The following ELF2 variants were observed in gnomAD, a reference collection of about 807,000 sequenced individuals.
ELF2 encodes ETS-related transcription factor Elf-2.
In ELF2, 11 loss-of-function variants were observed where a neutral mutation model predicts 54.8. The observed-to-expected ratio is 0.20, with a 90% CI of 0.13 to 0.33. The LOEUF is 0.33. ELF2 is among the 10% of genes least tolerant of loss of function. The pLI is 1.00. For synonymous variants in ELF2, 203 were observed against 245.1 expected (o/e 0.83, Z 1.61); for missense variants, 513 against 703.0 (o/e 0.73, Z 3.06).
chr4:139,134,604 TTTTATTTTATTTTA>T (rs1440969739), intron 3 of ELF2, among the ~76,000 whole-genome samples: 5 of 142,592 alleles, frequency 3.5e-5, no homozygotes, highest in African/African-American at 8.1e-5. Context: ...TTTTATTTTA[TTTTATTTTATTTTA>T]TTTATTTTAT....
At chr4:139,142,688 A>C (rs1321594320) in intron 1 of ELF2, among the ~76,000 whole-genome samples, 3 of 151,710 alleles carry the variant, frequency 2.0e-5, no homozygotes, top group African/African-American at 7.3e-5. Context: ...TGAGATGAGA[A>C]GTGATACAGG....
chr4:139,122,496 T>TTTTTGTTTTGTTTTGTTTTG lies in ELF2; in HGVS notation c.238+2648_238+2667dup, dbSNP rs55655731. Among the ~76,000 whole-genome samples the TTTTTGTTTTGTTTTGTTTTG allele has an allele frequency of 2.5e-3, 381 of 150,604 alleles. 4 individuals carry two copies. The highest frequency in any genetic ancestry group is 9.3e-3 in the Admixed American group (141 of 15,126). On this transcript the variant is annotated intron_variant, in intron 4 of 9. Transcript: ENST00000686138. ...AAAATGCATTTGATTCTTTTTTTAG[T>TTTTTGTTTTGTTTTGTTTTG]TTTTGTTTTGTTTTGTTTTGTTTGA...
At chr4:139,158,052 C>A (rs181277250) in intron 1 of ELF2, among the ~76,000 whole-genome samples, 39 of 152,176 alleles carry the variant, frequency 2.6e-4, no homozygotes, top group African/African-American at 8.9e-4. Context: ...TGGGTGCAGG[C>A]GGGCTGAGTC....
chr4:139,059,546 T>G lies in ELF2; in HGVS notation c.1219A>C (p.Thr407Pro). The G allele has an allele frequency of 6.2e-7, 1 of 1,613,734 alleles. No homozygotes were observed. The highest frequency in any genetic ancestry group is 8.5e-7 in the Non-Finnish European group (1 of 1,179,854). ...GCATTAACTGACTGAACTGCCACAG[T>G]TGAAATTTTCTGACCCAATGATGTC... ...VMTSLGQKISTVAVQSVNAGA... is the reference protein window; with the variant it reads ...VMTSLGQKISPVAVQSVNAGA... Residue 407 changes from threonine (T) to proline (P), a missense_variant, in exon 10 of 10, where the codon ACT (threonine) becomes CCT (proline). By Grantham distance (38) the Thr-to-Pro change is conservative. This residue lies in a region of ELF2 where 291 missense variants were observed against 366.1 expected (regional missense o/e 0.79). Coordinates refer to ENST00000686138, the MANE Select transcript of ELF2 (RefSeq NM_001331036.3).
chr4:139,160,971 T>C (rs1026633635), intron 1 of ELF2, among the ~76,000 whole-genome samples: 6 of 151,358 alleles, frequency 4.0e-5, no homozygotes, highest in African/African-American at 1.5e-4. Flanking sequence ...TCAAAATAAA[T>C]AAATAAAAGA....
intron 1 of ELF2, among the ~76,000 whole-genome samples, chr4:139,158,560 TG>T (rs953719057): frequency 9.2e-5 from 14 of 152,078 alleles, no homozygotes; most frequent in African/African-American, 3.4e-4. Context: ...GAAGATTTTG[TG>T]GTAAGGGGCG....
At chr4:139,109,277 G>C (rs1015344167) in intron 4 of ELF2, among the ~76,000 whole-genome samples, 9 of 152,084 alleles carry the variant, frequency 5.9e-5, no homozygotes, top group Non-Finnish European at 7.4e-5. Flanking sequence ...TTAACTGTCT[G>C]ATTTACAAAA....
At chr4:139,165,649 C>T (rs1161795805) in intron 1 of ELF2, among the ~76,000 whole-genome samples, 2 of 152,030 alleles carry the variant, frequency 1.3e-5, no homozygotes, top group African/African-American at 2.4e-5. Context: ...GGCAACAGAG[C>T]AACACTCCGT....
Position 139,059,073 on chromosome 4 carries a change from T to C in ELF2, c.1692A>G (p.Thr564=), listed in dbSNP as rs1727422791. The change falls in exon 10 of 10, where the codon ACA becomes ACG. Residue 564 remains threonine (T), a synonymous_variant. Coordinates refer to ENST00000686138, the MANE Select transcript of ELF2 (RefSeq NM_001331036.3). The stretch of plus-strand genomic sequence containing the variant: ...CACTGACAACCACTACGTGGGTCAC[T>C]GTCTTATTTCCATCTGCTGGTTTTT... The part of the protein sequence containing the change: ...VEEKPADGNK[T]VTHVVVVSAP... 1 of 1,613,990 alleles carries C rather than the reference T, an allele frequency of 6.2e-7. No individual in the cohort carries two copies. The highest frequency in any genetic ancestry group is 1.3e-5 in the African/African-American group (1 of 75,052).
At chr4:139,135,291 G>T (rs926331693) in intron 3 of ELF2, among the ~76,000 whole-genome samples, 11 of 144,982 alleles carry the variant, frequency 7.6e-5, no homozygotes, top group Admixed American at 2.1e-4. Flanking sequence ...ATATATGAAT[G>T]AAACATTCCT....
At chr4:139,148,822 G>A (rs1739543050) in intron 1 of ELF2, among the ~76,000 whole-genome samples, 2 of 152,068 alleles carry the variant, frequency 1.3e-5, no homozygotes, top group Non-Finnish European at 2.9e-5. Flanking sequence ...TTTCCAAAGT[G>A]GCTACACCAT....
At chr4:139,109,240 C>A (rs1171326281) in intron 4 of ELF2, among the ~76,000 whole-genome samples, 1 of 152,096 alleles carries the variant, frequency 6.6e-6, no homozygotes, top group Non-Finnish European at 1.5e-5. Flanking sequence ...AACTTGGGGT[C>A]TGGCCAGTAC....
Position 139,108,919 on chromosome 4 carries a change from T to A in ELF2, c.238+16245A>T, listed in dbSNP as rs1260872118. 3.3e-5 allele frequency among the ~76,000 whole-genome samples: 5 copies of A among 152,144 alleles called. No individual in the cohort carries two copies. In the East Asian group the frequency reaches 9.6e-4, roughly 29 times the overall value. On this transcript the variant is annotated intron_variant, in intron 4 of 9. Coordinates refer to ENST00000686138, the MANE Select transcript of ELF2 (RefSeq NM_001331036.3). The stretch of plus-strand genomic sequence containing the variant: ...CCAAATAAGTATGCTTCCTGCCCCG[T>A]GTCTAGAACTGTTAAGAGTAACTCT...
At chr4:139,099,419 C>T (rs1474825929) in intron 4 of ELF2, among the ~76,000 whole-genome samples, 1 of 152,168 alleles carries the variant, frequency 6.6e-6, no homozygotes, top group African/African-American at 2.4e-5. Context: ...CTTTATGGAG[C>T]ACAGTGTGGA....
chr4:139,066,745 T>G (rs1728769746), intron 7 of ELF2: 1 of 150,662 alleles, frequency 6.6e-6, no homozygotes, highest in Non-Finnish European at 1.5e-5. Context: ...AAAAACAAAT[T>G]AGCTGGGTGC....
intron 1 of ELF2, among the ~76,000 whole-genome samples, chr4:139,162,370 A>C (rs182993399): frequency 8.5e-5 from 13 of 152,066 alleles, no homozygotes; most frequent in Non-Finnish European, 1.6e-4. Context: ...CGTCTCTACT[A>C]AACATACAAA....
chr4:139,123,405 A>G (rs1342293871), intron 4 of ELF2, among the ~76,000 whole-genome samples: 2 of 152,210 alleles, frequency 1.3e-5, no homozygotes, highest in Non-Finnish European at 2.9e-5. Context: ...TTTCACAATC[A>G]CTAATATCTC....
chr4:139,163,637 GAC>G (rs1490717644), intron 1 of ELF2, among the ~76,000 whole-genome samples: 1 of 152,170 alleles, frequency 6.6e-6, no homozygotes, highest in Non-Finnish European at 1.5e-5. Flanking sequence ...GTGTGGGCCA[GAC>G]ACAGAGGCTC....
chr4:139,149,883 T>C (rs1739689692), intron 1 of ELF2, among the ~76,000 whole-genome samples: 1 of 152,038 alleles, frequency 6.6e-6, no homozygotes. Context: ...TTTAGAAAAA[T>C]CTTGACAAAG....
Sources: allele counts gnomAD v4.1 joint callset (sites outside exome capture counted in the v4.1 genomes callset), GRCh38; gene constraint gnomAD v4.1.1; regional missense constraint gnomAD v4.1.1; transcripts MANE v1.5; gene names NCBI Gene and HGNC (gene_info 2026-07-23, HGNC 2026-07-21).